Variants in GPC5 observed in about 807,000 individuals in gnomAD.
GPC5 encodes the protein glypican 5.
Under a neutral mutation model 53.9 loss-of-function variants are expected in GPC5, and 47 were observed. The ratio of observed to expected loss-of-function variants is 0.87; its 90% CI spans 0.69 to 1.11. GPC5 has a LOEUF of 1.11. GPC5 is among the 50% of genes most tolerant of loss of function. GPC5 has a pLI of 0.00. For missense variants in GPC5, 748 were observed against 713.1 expected, an observed-to-expected ratio of 1.05 and a Z score of -0.56; for synonymous variants, 286 against 263.3, an observed-to-expected ratio of 1.09 and a Z score of -0.84.
At chr13:92,805,610 A>AT (rs1348209334) in intron 7 of GPC5, among the ~76,000 whole-genome samples, 1 of 151,266 alleles carries the variant, frequency 6.6e-6, no homozygotes, top group Non-Finnish European at 1.5e-5. Context: ...CTAAATTATT[A>AT]TTTTTTTTGT....
chr13:92,656,719 C>T (rs1315744964), intron 7 of GPC5, among the ~76,000 whole-genome samples: 1 of 152,088 alleles, frequency 6.6e-6, no homozygotes, highest in Non-Finnish European at 1.5e-5. Flanking sequence ...AAAAACAGGC[C>T]AAAGTGGGAG....
chr13:92,538,566 A>T (rs1189037379), intron 7 of GPC5, among the ~76,000 whole-genome samples: 2 of 144,610 alleles, frequency 1.4e-5, no homozygotes, highest in South Asian at 4.5e-4. Flanking sequence ...ACACCCATCA[A>T]CCCGTCATCT....
chr13:92,213,069 C>T (rs2042386451), intron 7 of GPC5, among the ~76,000 whole-genome samples: 1 of 152,188 alleles, frequency 6.6e-6, no homozygotes, highest in Non-Finnish European at 1.5e-5. Flanking sequence ...TGCAATTCTG[C>T]TCTCCTCTGC....
intron 2 of GPC5, among the ~76,000 whole-genome samples, chr13:91,611,085 A>G (rs1236631270): frequency 6.6e-6 from 1 of 152,192 alleles, no homozygotes; most frequent in Non-Finnish European, 1.5e-5. Context: ...CAGATTAGTT[A>G]GAATGTTCAG....
At chr13:92,011,297 G>C (rs184869779) in intron 6 of GPC5, among the ~76,000 whole-genome samples, 5 of 152,218 alleles carry the variant, frequency 3.3e-5, no homozygotes, top group African/African-American at 1.2e-4. Flanking sequence ...ACTAGTGTGT[G>C]ATCATCATTT....
At chr13:92,138,444 C>T (rs2041802711) in intron 6 of GPC5, among the ~76,000 whole-genome samples, 1 of 151,378 alleles carries the variant, frequency 6.6e-6, no homozygotes, top group Non-Finnish European at 1.5e-5. Flanking sequence ...TGCTTGAACC[C>T]GGGAGGCGGA....
chr13:91,450,754 G>A (rs964061341), intron 2 of GPC5, among the ~76,000 whole-genome samples: 7 of 151,938 alleles, frequency 4.6e-5, no homozygotes, highest in African/African-American at 1.7e-4. Context: ...AAAAAATATA[G>A]AGACATTCTT....
chr13:91,961,378 C>T (rs2040124196), intron 6 of GPC5, among the ~76,000 whole-genome samples: 1 of 151,722 alleles, frequency 6.6e-6, no homozygotes, highest in Non-Finnish European at 1.5e-5. Context: ...TGAATAGAGC[C>T]CTGACTAGAC....
intron 7 of GPC5, among the ~76,000 whole-genome samples, chr13:92,491,347 T>G (rs1027346695): frequency 6.6e-5 from 10 of 152,262 alleles, no homozygotes; most frequent in South Asian, 4.1e-4. Flanking sequence ...AGAATTACTT[T>G]ATATAATTCA....
intron 7 of GPC5, among the ~76,000 whole-genome samples, chr13:92,344,477 T>C (rs1425365338): frequency 1.3e-5 from 2 of 152,142 alleles, no homozygotes; most frequent in African/African-American, 4.8e-5. Flanking sequence ...TTAGAAGGAC[T>C]TCACCCAAAA....
intron 5 of GPC5, among the ~76,000 whole-genome samples, chr13:91,856,791 C>G (rs2038972173): frequency 6.6e-6 from 1 of 151,116 alleles, no homozygotes; most frequent in Admixed American, 6.6e-5. Flanking sequence ...TTAAAGAAAT[C>G]CTGTTACTAT....
intron 2 of GPC5, among the ~76,000 whole-genome samples, chr13:91,474,868 T>A (rs1882841765): frequency 6.6e-6 from 1 of 152,068 alleles, no homozygotes; most frequent in South Asian, 2.1e-4. Flanking sequence ...TTACACTTAT[T>A]GGATATTTAC....
chr13:92,736,483 C>T (rs533430730), intron 7 of GPC5, among the ~76,000 whole-genome samples: 8 of 151,938 alleles, frequency 5.3e-5, no homozygotes, highest in South Asian at 4.1e-4. Context: ...CCTCCTTGTT[C>T]GAATCATTTT....
At chr13:92,504,101 A>G (rs1419566259) in intron 7 of GPC5, among the ~76,000 whole-genome samples, 1 of 152,010 alleles carries the variant, frequency 6.6e-6, no homozygotes, top group African/African-American at 2.4e-5. Context: ...TTACTCACGT[A>G]AGATATATTC....
Position 92,515,545 on chromosome 13 carries a change from G to A in GPC5, c.1562-350737G>A, listed in dbSNP as rs192214156. 1.9e-4 allele frequency among the ~76,000 whole-genome samples: 29 copies of A among 152,226 alleles called. No homozygotes were observed. The East Asian group carries it at 5.6e-3, about 29-fold the overall frequency. On this transcript the variant is annotated intron_variant, in intron 7 of 7. Transcript: ENST00000377067. Reference sequence around the variant, plus strand: ...TACATACAACTGAGAATACACTGTAGAATTTTACTAGCTTGTTTTTCAAGC... The same window carrying A: ...TACATACAACTGAGAATACACTGTAAAATTTTACTAGCTTGTTTTTCAAGC...
chr13:91,756,307 C>A lies in GPC5; in HGVS notation c.1167C>A (p.Asn389Lys). ...TLANRRKEFI[N>K]SLRLYRSFYG... is the part of the protein sequence containing the mutation. ...TTCTTTCATTTAGAGAATTTATCAA[C>A]AGCCTTCGACTGTACAGGTCATTCT... is the stretch of plus-strand genomic sequence containing the variant. The change falls in exon 5 of 8, where the codon AAC becomes AAA. Residue 389 changes from asparagine to lysine, a missense_variant. Asn to Lys is a moderately conservative substitution (Grantham distance 94). Coordinates refer to ENST00000377067, the MANE Select transcript of GPC5 (RefSeq NM_004466.6). The A allele has an allele frequency of 2.0e-6, 3 of 1,488,944 alleles. No homozygotes were observed. The highest frequency in any genetic ancestry group is 2.8e-5 in the South Asian group (2 of 70,330). The allele number at this position is 1,488,944 out of a possible 1,614,324, so 92.2% of individuals were successfully genotyped here.
rs2139272987 is a variant in GPC5, at chr13:92,354,951, T to C, written c.1561+209962T>C. 2.0e-5 allele frequency among the ~76,000 whole-genome samples: 3 copies of C among 152,198 alleles called. 1 individual carries two copies. In the South Asian group the frequency reaches 6.2e-4, roughly 32 times the overall value. On this transcript the variant is annotated intron_variant, in intron 7 of 7. Coordinates refer to ENST00000377067, the MANE Select transcript of GPC5 (RefSeq NM_004466.6). ...AGTTACCTCCTTGAGGAGCAATTAA[T>C]AGATTGAAGTAGGATTTATGCATAT...
At position 91,693,304 on chromosome 13, in the gene GPC5, T is replaced by A; in HGVS notation, c.443T>A (p.Val148Glu). 1 of 1,614,088 alleles carries A rather than the reference T, an allele frequency of 6.2e-7. No homozygotes were observed. The highest frequency in any genetic ancestry group is 8.5e-7 in the Non-Finnish European group (1 of 1,179,994). ...TCGGTTCAGGAGTTCTTCACTGATG[T>A]GGGGCTGTATTTATTTGGTGCGGAT... ...AASVQEFFTDVGLYLFGADVN... is the reference protein window; with the variant it reads ...AASVQEFFTDEGLYLFGADVN... Residue 148 changes from valine (V) to glutamate (E), a missense_variant, in exon 3 of 8, where the codon GTG becomes GAG. Val to Glu is a moderately radical substitution (Grantham distance 121). Transcript: ENST00000377067.
At chr13:92,209,835 C>T (rs1362405269) in intron 7 of GPC5, among the ~76,000 whole-genome samples, 2 of 152,072 alleles carry the variant, frequency 1.3e-5, no homozygotes, top group Non-Finnish European at 2.9e-5. Flanking sequence ...AATATTGACT[C>T]ACACGATTAC....
Sources: allele counts gnomAD v4.1 joint callset (sites outside exome capture counted in the v4.1 genomes callset), GRCh38; gene constraint gnomAD v4.1.1; transcripts MANE v1.5; gene names NCBI Gene and HGNC (gene_info 2026-07-23, HGNC 2026-07-21).